ZDHHC14: variants seen among roughly 807,000 people sequenced by gnomAD.
ZDHHC14 encodes the protein zDHHC palmitoyltransferase 14.
ZDHHC14 carries 16 observed loss-of-function variants against 47.7 expected under a neutral mutation model. That is an observed-to-expected ratio of 0.34 (90% CI 0.23 to 0.51). ZDHHC14 has a LOEUF of 0.51. Ranked by LOEUF, ZDHHC14 falls within the 20% of genes least tolerant of loss-of-function variation. The pLI is 0.97. For missense variants in ZDHHC14, 515 were observed against 662.5 expected (o/e 0.78, Z 2.44); for synonymous variants, 293 against 278.9 (o/e 1.05, Z -0.50).
intron 5 of ZDHHC14, among the ~76,000 whole-genome samples, chr6:157,640,037 G>C (rs2114971882): frequency 6.6e-6 from 1 of 152,302 alleles, no homozygotes; most frequent in East Asian, 1.9e-4. Context: ...TGTCCGGGAA[G>C]CCATGTGGTG....
intron 2 of ZDHHC14, among the ~76,000 whole-genome samples, chr6:157,569,930 A>C (rs565648686): frequency 6.6e-6 from 1 of 152,280 alleles, no homozygotes; most frequent in East Asian, 1.9e-4. Context: ...ATATTGGTTT[A>C]TATTTGTTAA....
chr6:157,392,939 GCGC>G (rs1777448630), intron 1 of ZDHHC14, among the ~76,000 whole-genome samples: 2 of 152,012 alleles, frequency 1.3e-5, no homozygotes, highest in African/African-American at 4.8e-5. Context: ...GAGTGCAATG[GCGC>G]CATCTCGGCT....
intron 1 of ZDHHC14, among the ~76,000 whole-genome samples, chr6:157,504,247 G>A (rs1008441904): frequency 5.3e-5 from 8 of 151,650 alleles, no homozygotes; most frequent in African/African-American, 1.2e-4. Context: ...TCGCTGTGCC[G>A]CCCAGGCTGG....
intron 1 of ZDHHC14, among the ~76,000 whole-genome samples, chr6:157,456,433 G>T (rs1341719686): frequency 6.6e-6 from 1 of 152,162 alleles, no homozygotes; most frequent in Admixed American, 6.5e-5. Context: ...ATAAGTGTGG[G>T]ATGTTGCCTC....
chr6:157,621,787 A>T (rs531785566), intron 3 of ZDHHC14, among the ~76,000 whole-genome samples: 5 of 152,158 alleles, frequency 3.3e-5, no homozygotes, highest in Admixed American at 2.0e-4. Context: ...TCCCCTCAAT[A>T]TTTCAGTGGA....
chr6:157,605,866 C>A (rs1220435212), intron 3 of ZDHHC14, among the ~76,000 whole-genome samples: 1 of 152,104 alleles, frequency 6.6e-6, no homozygotes, highest in African/African-American at 2.4e-5. Flanking sequence ...GGTCACCAGC[C>A]TATAAAGGCT....
intron 1 of ZDHHC14, among the ~76,000 whole-genome samples, chr6:157,477,567 A>G (rs1779524289): frequency 6.6e-6 from 1 of 152,166 alleles, no homozygotes; most frequent in South Asian, 2.1e-4. Context: ...TTCTTGGCCT[A>G]TATTGGCAAA....
At chr6:157,534,533 T>TATTTC (rs34937760) in intron 1 of ZDHHC14, among the ~76,000 whole-genome samples, 2,448 of 141,150 alleles carry the variant, frequency 0.017, 36 homozygotes, top group Middle Eastern at 0.045. Flanking sequence ...CCTGGAATTC[T>TATTTC]ATTTCATTTC....
intron 1 of ZDHHC14, among the ~76,000 whole-genome samples, chr6:157,473,822 TGTATGAAAC>T (rs1779412897): frequency 5.3e-5 from 8 of 152,262 alleles, no homozygotes; most frequent in Admixed American, 5.2e-4. Flanking sequence ...GTGTAAGGTG[TGTATGAAAC>T]ATAAATGAAT....
At chr6:157,449,137 T>A (rs147221468) in intron 1 of ZDHHC14, among the ~76,000 whole-genome samples, 1,715 of 152,304 alleles carry the variant, frequency 0.011, 39 homozygotes, top group African/African-American at 0.04. Context: ...TTTCAGTTGA[T>A]GGATAGAACT....
At chr6:157,484,287 A>C (rs1278770441) in intron 1 of ZDHHC14, among the ~76,000 whole-genome samples, 1 of 101,646 alleles carries the variant, frequency 9.8e-6, no homozygotes, top group South Asian at 3.5e-4. Context: ...ACGTATATAT[A>C]TATGTGTATA....
chr6:157,419,065 A>C (rs1778044688), intron 1 of ZDHHC14, among the ~76,000 whole-genome samples: 1 of 152,154 alleles, frequency 6.6e-6, no homozygotes, highest in Non-Finnish European at 1.5e-5. Context: ...GCAGGCTTGG[A>C]ATAGGACTGG....
At chr6:157,416,186 A>C (rs1221521733) in intron 1 of ZDHHC14, among the ~76,000 whole-genome samples, 1 of 152,238 alleles carries the variant, frequency 6.6e-6, no homozygotes, top group Non-Finnish European at 1.5e-5. Context: ...TATTTTACTT[A>C]GGCTATATTA....
chr6:157,466,628 A>G (rs1779224578), intron 1 of ZDHHC14, among the ~76,000 whole-genome samples: 1 of 152,184 alleles, frequency 6.6e-6, no homozygotes, highest in South Asian at 2.1e-4. Context: ...ACCTGAGGCC[A>G]GGAGTTCGAC....
rs747534626 is a variant in ZDHHC14 at position 157,673,092 on chromosome 6, G to A, written c.1437G>A (p.Val479=). The A allele has an allele frequency of 1.9e-6, 3 of 1,573,860 alleles. No individual in the cohort carries two copies. The highest frequency in any genetic ancestry group is 2.7e-5 in the African/African-American group (2 of 74,344). The change falls in exon 9 of 9, where the codon GTG becomes GTA. Residue 479 remains valine, a synonymous_variant. Transcript: ENST00000359775. The surrounding 1 kb of genome is among the most constrained non-coding windows in gnomAD (Gnocchi z 5.4). ...ASQDSLHEDS[V]RGLVKLSSV ...AGGACTCCCTGCATGAGGACTCTGT[G>A]CGCGGCCTGGTGAAGCTCAGCTCCG...
At chr6:157,592,071 G>A (rs1442577422) in intron 2 of ZDHHC14, among the ~76,000 whole-genome samples, 2 of 152,000 alleles carry the variant, frequency 1.3e-5, no homozygotes, top group Admixed American at 6.6e-5. Context: ...AAATAAAACT[G>A]GAAGTTTTAT....
chr6:157,561,072 A>AGT (rs1458993017), intron 2 of ZDHHC14, among the ~76,000 whole-genome samples: 1 of 152,264 alleles, frequency 6.6e-6, no homozygotes, highest in Non-Finnish European at 1.5e-5. Context: ...CGGGGAGCCC[A>AGT]GGTCCTCAGA....
At chr6:157,635,914 G>T (rs1227951181) in intron 5 of ZDHHC14, among the ~76,000 whole-genome samples, 1 of 152,148 alleles carries the variant, frequency 6.6e-6, no homozygotes, top group Non-Finnish European at 1.5e-5. Flanking sequence ...CCCAGTTTTT[G>T]AAAACGCATA....
chr6:157,467,652 C>T (rs369959027), intron 1 of ZDHHC14, among the ~76,000 whole-genome samples: 5 of 152,000 alleles, frequency 3.3e-5, no homozygotes, highest in South Asian at 2.1e-4. Flanking sequence ...CGGGTTCAAG[C>T]GATTCTCCTG....
Sources: allele counts gnomAD v4.1 joint callset (sites outside exome capture counted in the v4.1 genomes callset), GRCh38; gene constraint gnomAD v4.1.1; non-coding constraint Gnocchi (gnomAD v3.1); transcripts MANE v1.5; gene names NCBI Gene and HGNC (gene_info 2026-07-23, HGNC 2026-07-21).